The following CMTR1 variants were observed in gnomAD, a reference collection of about 807,000 sequenced individuals.
The protein encoded by CMTR1 is cap methyltransferase 1.
Under a neutral mutation model 107.0 loss-of-function variants are expected in CMTR1, and 39 were observed. The observed-to-expected ratio is 0.36, with a 90% confidence interval of 0.28 to 0.48. The LOEUF is 0.48. Ranked by LOEUF, CMTR1 falls within the 20% of genes least tolerant of loss-of-function variation. The pLI is 0.99. For missense variants in CMTR1, 672 were observed against 1,064.9 expected, an observed-to-expected ratio of 0.63 and a Z score of 5.14; for synonymous variants, 366 against 379.5, an observed-to-expected ratio of 0.96 and a Z score of 0.41.
Position 37,472,347 on chromosome 6 carries a change from C to T in CMTR1, c.1621-72C>T. 2 of 1,388,920 alleles carry T rather than the reference C, an allele frequency of 1.4e-6. No homozygotes were observed. The highest frequency in any genetic ancestry group is 2.0e-6 in the Non-Finnish European group (2 of 975,642). The allele number at this position is 1,388,920 out of a possible 1,614,324, so 86.0% of individuals were successfully genotyped here. ...CCCAGTCTGACCCTATCTCCTCCACCTGCATATACTCATACACGGTCTTGG... is the reference window on the plus strand; with the variant it reads ...CCCAGTCTGACCCTATCTCCTCCACTTGCATATACTCATACACGGTCTTGG... On this transcript the variant is annotated intron_variant, in intron 15 of 23. Coordinates refer to ENST00000373451, the MANE Select transcript of CMTR1 (RefSeq NM_015050.3). This position sits in a 1 kb window ranked among gnomAD's most constrained non-coding sequence, Gnocchi z 4.1.
intron 4 of CMTR1, 49 bp from the exon 5 acceptor site, chr6:37,450,202 C>T (rs1458702691): frequency 6.7e-7 from 1 of 1,495,050 alleles, no homozygotes; most frequent in Non-Finnish European, 9.3e-7. Flanking sequence ...TGGGGTTTAG[C>T]TTTGAGGGTG....
rs371018877 is a variant in CMTR1 at position 37,443,977 on chromosome 6, C to T, written c.134-22C>T. ...ATTTTGTGCCATAAACCTACCTAAACATTTTCCTTTTTCTTTTTCAGCATC... is the reference window on the plus strand; with the variant it reads ...ATTTTGTGCCATAAACCTACCTAAATATTTTCCTTTTTCTTTTTCAGCATC... On this transcript the variant is annotated intron_variant, in intron 2 of 23. Transcript: ENST00000373451. 1.9e-6 allele frequency: 3 copies of T among 1,610,472 alleles called. No homozygotes were observed. The African/African-American group carries it at 4.0e-5, about 22-fold the overall frequency.
chr6:37,460,317 CA>C (rs891373121), intron 10 of CMTR1, among the ~76,000 whole-genome samples: 3 of 152,124 alleles, frequency 2.0e-5, no homozygotes, highest in African/African-American at 7.2e-5. Context: ...GCATGATATC[CA>C]AAGATGCCTA....
chr6:37,472,390 A>C lies in CMTR1; in HGVS notation c.1621-29A>C, dbSNP rs750422586. On this transcript the variant is annotated intron_variant, in intron 15 of 23. Transcript: ENST00000373451. The surrounding 1 kb of genome is among the most constrained non-coding windows in gnomAD (Gnocchi z 4.1). ...GGTCTTGGTCAAAAGGGCATTTGAA[A>C]GTCAAAGCTCTTTGCTGTCTTATTT... The C allele has an allele frequency of 4.6e-5, 74 of 1,611,454 alleles. No homozygotes were observed. The highest frequency in any genetic ancestry group is 3.3e-4 in the Middle Eastern group (2 of 6,078).
intron 23 of CMTR1, 81 bp from the exon 24 acceptor site, chr6:37,479,932 C>T: frequency 2.3e-6 from 3 of 1,327,796 alleles, no homozygotes; most frequent in South Asian, 3.4e-5. Context: ...ACAGACCCCT[C>T]CGCCCCACAC....
At position 37,459,616 on chromosome 6, in the gene CMTR1, T is replaced by C. The variant is rs773298348; in HGVS notation, c.1027T>C (p.Ser343Pro). The stretch of plus-strand genomic sequence containing the variant: ...AGATATCACCCGCCCAGAGAACATC[T>C]CTGCTTTTCGGAATTTTGTCCTGGA... The part of the protein sequence containing the change: ...DGDITRPENI[S>P]AFRNFVLDNT... Residue 343 changes from serine to proline, a missense_variant, in exon 10 of 24, where the codon TCT becomes CCT. Transcript: ENST00000373451. 1 of 1,614,106 alleles carries C rather than the reference T, an allele frequency of 6.2e-7. No individual in the cohort carries two copies. Among genetic ancestry groups the C allele is most frequent in the Non-Finnish European group, 8.5e-7 (1 of 1,180,038 alleles).
rs1277919083 is a variant in CMTR1 at position 37,451,791 on chromosome 6, T to G, written c.538-15T>G. 2 of 1,609,752 alleles carry G rather than the reference T, an allele frequency of 1.2e-6. No individual in the cohort carries two copies. The highest frequency in any genetic ancestry group is 1.7e-6 in the Non-Finnish European group (2 of 1,176,380). ...TCACACGTGGTCATTACTTACTGCT[T>G]TTTTCTCCCTGTAGAGAAAGATGAT... On this transcript the variant is annotated splice_polypyrimidine_tract_variant and intron_variant, in intron 5 of 23. Transcript: ENST00000373451.
chr6:37,459,696 T>G lies in CMTR1; in HGVS notation c.1095+12T>G, dbSNP rs530421853. ...TGATGGCTGATGGGGTAGGTTACCTTTTTTCCATAGACTGATGCATTAAGG... is the reference window on the plus strand; with the variant it reads ...TGATGGCTGATGGGGTAGGTTACCTGTTTTCCATAGACTGATGCATTAAGG... On this transcript the variant is annotated intron_variant, in intron 10 of 23. Transcript: ENST00000373451. 2 of 1,567,650 alleles carry G rather than the reference T, an allele frequency of 1.3e-6. No homozygotes were observed. The highest frequency in any genetic ancestry group is 2.2e-5 in the East Asian group (1 of 44,644).
chr6:37,454,810 T>G (rs994850755), intron 8 of CMTR1, among the ~76,000 whole-genome samples: 3 of 152,172 alleles, frequency 2.0e-5, no homozygotes, highest in African/African-American at 4.8e-5. Context: ...CTCGAGCCCC[T>G]GGTGTTTTAT....
upstream of CMTR1, among the ~76,000 whole-genome samples, chr6:37,429,919 C>G (rs1305165781): frequency 6.7e-6 from 1 of 148,700 alleles, no homozygotes; most frequent in African/African-American, 2.5e-5. Context: ...GCCTGGATGA[C>G]AGATCAAGAC....
At chr6:37,460,564 A>G (rs926548497) in intron 10 of CMTR1, among the ~76,000 whole-genome samples, 48 of 151,840 alleles carry the variant, frequency 3.2e-4, no homozygotes, top group Admixed American at 1.4e-3. Context: ...ATAATCAGGC[A>G]TGCATTTTGA....
Position 37,481,396 on chromosome 6 carries a change from C to T in CMTR1, c.*1251C>T. The stretch of plus-strand genomic sequence containing the variant: ...GGGGTCCTTCAGCCAGCATCCAGCT[C>T]CCCACCCCCAGGCTGGCAGTAGCAC... On this transcript the variant is annotated 3_prime_UTR_variant, in exon 24 of 24. Transcript: ENST00000373451. The T allele has an allele frequency of 8.4e-7, 1 of 1,186,024 alleles. No individual in the cohort carries two copies. The highest frequency in any genetic ancestry group is 1.1e-6 in the Non-Finnish European group (1 of 941,222). 73.5% of individuals were successfully genotyped at this position (1,186,024 alleles called of 1,614,324 possible).
chr6:37,456,397 A>C (rs748086143), intron 8 of CMTR1, among the ~76,000 whole-genome samples: 29 of 152,350 alleles, frequency 1.9e-4, no homozygotes, highest in Non-Finnish European at 3.4e-4. Context: ...ATTAAGACCC[A>C]GCATGCCTGG....
intron 5 of CMTR1, among the ~76,000 whole-genome samples, chr6:37,451,008 T>G (rs984151025): frequency 6.6e-6 from 1 of 152,012 alleles, no homozygotes; most frequent in Non-Finnish European, 1.5e-5. Flanking sequence ...AGACAGATGC[T>G]GAAGAAATTT....
At chr6:37,426,806 C>T in the CMTR1 span, among the ~76,000 whole-genome samples, 2 of 152,238 alleles carry the variant, frequency 1.3e-5, no homozygotes, top group East Asian at 1.9e-4. Flanking sequence ...TAATGTCTGG[C>T]TCCCAAAAGG....
Position 37,475,432 on chromosome 6 carries a change from G to GT in CMTR1, c.2036+21dup. 9 of 1,198,054 alleles carry GT rather than the reference G, an allele frequency of 7.5e-6. No individual in the cohort carries two copies. Among genetic ancestry groups the GT allele is most frequent in the Non-Finnish European group, 1.1e-5 (9 of 825,276 alleles). The allele number at this position is 1,198,054 out of a possible 1,614,324, so 74.2% of individuals were successfully genotyped here. On this transcript the variant is annotated intron_variant, in intron 19 of 23. Coordinates refer to ENST00000373451, the MANE Select transcript of CMTR1 (RefSeq NM_015050.3). ...CCAGCGGTCTGACCTGGGCCCCAGG[G>GT]TAGGGAGGGTGGGGGTAGGCCAGGG...
At chr6:37,449,617 A>G (rs558532884) in intron 4 of CMTR1, among the ~76,000 whole-genome samples, 1 of 152,130 alleles carries the variant, frequency 6.6e-6, no homozygotes, top group South Asian at 2.1e-4. Flanking sequence ...CTGCATCAGT[A>G]CTCTTTAGAA....
In CMTR1 at chr6:37,453,227, T is replaced by C. The variant is rs1311943507; in HGVS notation, c.705-13T>C. On this transcript the variant is annotated splice_polypyrimidine_tract_variant and intron_variant, in intron 7 of 23. Transcript: ENST00000373451. ...TAGTACATCTAGTACTTTTCTGTCT[T>C]GCTTTATTGCAGGGCAGCAATGAAG... 1 of 1,614,136 alleles carries C rather than the reference T, an allele frequency of 6.2e-7. No homozygotes were observed. Among genetic ancestry groups the C allele is most frequent in the East Asian group, 2.2e-5 (1 of 44,892 alleles).
chr6:37,438,139 G>A lies in CMTR1; in HGVS notation c.133+2377G>A, dbSNP rs902870452. On this transcript the variant is annotated intron_variant, in intron 2 of 23. Coordinates refer to ENST00000373451, the MANE Select transcript of CMTR1 (RefSeq NM_015050.3). ...TTATGCCTGTAATTCTAATACTTTC[G>A]GAGGTCAAGGTGGGCGGATTGCTTG... 3.9e-5 allele frequency among the ~76,000 whole-genome samples: 6 copies of A among 152,054 alleles called. No individual in the cohort carries two copies. The East Asian group carries it at 5.8e-4, about 15-fold the overall frequency.
Sources: allele counts gnomAD v4.1 joint callset (sites outside exome capture counted in the v4.1 genomes callset), GRCh38; gene constraint gnomAD v4.1.1; non-coding constraint Gnocchi (gnomAD v3.1); transcripts MANE v1.5; gene names NCBI Gene and HGNC (gene_info 2026-07-23, HGNC 2026-07-21).